ITSN1: variants seen among roughly 807,000 people sequenced by gnomAD.
ITSN1 encodes the protein intersectin 1.
Under a neutral mutation model 239.8 loss-of-function variants are expected in ITSN1, and 58 were observed. That is an observed-to-expected ratio of 0.24 (90% confidence interval 0.20 to 0.30). The LOEUF (loss-of-function observed/expected upper bound fraction) is 0.30. ITSN1 is among the 10% of genes least tolerant of loss of function. The pLI is 1.00. For missense variants in ITSN1, 1,558 were observed against 2,103.3 expected, an observed-to-expected ratio of 0.74 and a Z score of 5.07; for synonymous variants, 780 against 770.8, an observed-to-expected ratio of 1.01 and a Z score of -0.20.
chr21:33,814,013 A>G lies in ITSN1; in HGVS notation c.2668A>G (p.Arg890Gly). Reference protein sequence around the residue: ...TVPSAGQLRQRSAFTPATATG... With the variant: ...TVPSAGQLRQGSAFTPATATG... ...TCCAAGTGCCGGCCAGTTAAGGCAGAGGTCCGCCTTTACTCCAGCCACGGC... is the reference window on the plus strand; with the variant it reads ...TCCAAGTGCCGGCCAGTTAAGGCAGGGGTCCGCCTTTACTCCAGCCACGGC... Residue 890 changes from arginine to glycine, a missense_variant, in exon 22 of 40, where the codon AGG (arginine) becomes GGG (glycine). Arg to Gly is a moderately radical substitution (Grantham distance 125, BLOSUM62 -2). This residue lies in a region of ITSN1 where 982 missense variants were observed against 1,209.9 expected (regional missense o/e 0.81). Transcript: ENST00000381318. 6.2e-7 allele frequency: 1 copy of G among 1,614,198 alleles called. No individual in the cohort carries two copies. Among genetic ancestry groups the G allele is most frequent in the Non-Finnish European group, 8.5e-7 (1 of 1,180,028 alleles).
At chr21:33,668,686 C>T (rs2090075290) in intron 1 of ITSN1, among the ~76,000 whole-genome samples, 1 of 152,128 alleles carries the variant, frequency 6.6e-6, no homozygotes, top group Non-Finnish European at 1.5e-5. Flanking sequence ...AAGGCTCTTA[C>T]CTCAAGAGAT....
intron 1 of ITSN1, among the ~76,000 whole-genome samples, chr21:33,694,085 C>G (rs1027527145): frequency 2.2e-4 from 33 of 152,226 alleles, no homozygotes; most frequent in African/African-American, 7.7e-4. Context: ...ACGATCGTAG[C>G]TCACTGCAGC....
intron 29 of ITSN1, among the ~76,000 whole-genome samples, chr21:33,843,558 C>A (rs1025108738): frequency 6.6e-6 from 1 of 152,310 alleles, no homozygotes; most frequent in East Asian, 1.9e-4. Context: ...AAACATGGTG[C>A]TGTATATAAC....
At position 33,725,143 on chromosome 21, in the gene ITSN1, T is replaced by G. The variant is rs1342271299; in HGVS notation, c.185+2492T>G. Among the ~76,000 whole-genome samples the G allele has an allele frequency of 4.1e-3, 600 of 144,716 alleles. 9 individuals are homozygous for G. Among genetic ancestry groups the G allele is most frequent in the African/African-American group, 0.014 (565 of 39,410 alleles). 94.9% of individuals were successfully genotyped at this position (144,716 alleles called of 152,430 possible). A position where few individuals can be genotyped will look rare whatever the true frequency, so the allele number is the denominator to read the frequency against. ...AAATTTTTTTTTTTTGTTTTTTTTT[T>G]TTTTTTTTTGAGATGGAGTTTTGCC... is the stretch of plus-strand genomic sequence containing the variant. On this transcript the variant is annotated intron_variant, in intron 4 of 39. Coordinates refer to ENST00000381318, the MANE Select transcript of ITSN1 (RefSeq NM_003024.3).
At chr21:33,703,629 T>C (rs2092120671) in intron 1 of ITSN1, among the ~76,000 whole-genome samples, 1 of 152,266 alleles carries the variant, frequency 6.6e-6, no homozygotes. Context: ...GAAACAATTG[T>C]ACTTTCACTG....
chr21:33,819,168 A>G, intron 23 of ITSN1, 73 bp from the exon 24 acceptor site: 1 of 1,173,642 alleles, frequency 8.5e-7, no homozygotes, highest in South Asian at 1.3e-5. Context: ...CAGTTTTAAC[A>G]GAAAAATCAG....
In ITSN1 at chr21:33,888,200, A is replaced by T; in HGVS notation, c.5066A>T (p.Gln1689Leu). Residue 1689 changes from glutamine (Q) to leucine (L), a missense_variant, in exon 40 of 40, where the codon CAG becomes CTG. By Grantham distance (113) the Gln-to-Leu change is moderately radical. Transcript: ENST00000381318. ...EIRVADIKKDQGSKGPVTKCL... is the reference protein window; with the variant it reads ...EIRVADIKKDLGSKGPVTKCL... ...CGTGTGGCGGACATCAAGAAAGACC[A>T]GGGCTCCAAAGGTCCAGTTACGAAG... 1 of 1,614,134 alleles carries T rather than the reference A, an allele frequency of 6.2e-7. No homozygotes were observed. The highest frequency in any genetic ancestry group is 8.5e-7 in the Non-Finnish European group (1 of 1,180,000).
intron 5 of ITSN1, among the ~76,000 whole-genome samples, chr21:33,749,801 C>T (rs2067426544): frequency 6.6e-6 from 1 of 151,996 alleles, no homozygotes; most frequent in Non-Finnish European, 1.5e-5. Context: ...AATTGATTGC[C>T]TTAGTGTCCT....
At chr21:33,877,637 A>T in intron 34 of ITSN1, among the ~76,000 whole-genome samples, 1 of 151,982 alleles carries the variant, frequency 6.6e-6, no homozygotes, top group East Asian at 1.9e-4. Flanking sequence ...ATCTCCTAGT[A>T]GACCCCTCAC....
chr21:33,647,521 A>C (rs2088083053), intron 1 of ITSN1, among the ~76,000 whole-genome samples: 2 of 151,808 alleles, frequency 1.3e-5, no homozygotes, highest in Admixed American at 6.6e-5. Flanking sequence ...TTTCAGACGG[A>C]GTCTCAGTCT....
intron 1 of ITSN1, among the ~76,000 whole-genome samples, chr21:33,663,313 T>G (rs1427072456): frequency 6.6e-6 from 1 of 152,284 alleles, no homozygotes; most frequent in Non-Finnish European, 1.5e-5. Context: ...ATAAGATCTA[T>G]TTTTTAGATT....
chr21:33,811,085 C>G lies in ITSN1; in HGVS notation c.2430C>G (p.Pro810=). 1.9e-6 allele frequency: 3 copies of G among 1,614,166 alleles called. No homozygotes were observed. The highest frequency in any genetic ancestry group is 2.5e-6 in the Non-Finnish European group (3 of 1,180,008). The change falls in exon 21 of 40, where the codon CCC becomes CCG. Residue 810 remains proline, a synonymous_variant. Transcript: ENST00000381318. ...AGAAAATCCCAGAAAATGAGGTTCC[C>G]GCTCCAGTGAAACCAGTGACTGATT... The part of the protein sequence containing the change: ...YAEKIPENEV[P]APVKPVTDST...
intron 36 of ITSN1, among the ~76,000 whole-genome samples, chr21:33,884,290 G>T (rs1985430711): frequency 6.6e-6 from 1 of 152,084 alleles, no homozygotes; most frequent in South Asian, 2.1e-4. Context: ...GTTTCCCCTG[G>T]CTTCCCAGGT....
chr21:33,677,997 A>G (rs2090699442), intron 1 of ITSN1, among the ~76,000 whole-genome samples: 1 of 152,164 alleles, frequency 6.6e-6, no homozygotes, highest in African/African-American at 2.4e-5. Context: ...AGATCATATT[A>G]TTCCCTTGAT....
At chr21:33,826,325 G>GT (rs1211597804) in intron 25 of ITSN1, among the ~76,000 whole-genome samples, 2 of 152,140 alleles carry the variant, frequency 1.3e-5, no homozygotes, top group African/African-American at 4.8e-5. Context: ...GTCCCTGTTA[G>GT]TTTTTTAAAA....
chr21:33,757,017 C>G (rs545930561), intron 8 of ITSN1: 5 of 152,368 alleles, frequency 3.3e-5, no homozygotes, highest in Admixed American at 3.3e-4. Flanking sequence ...CCACCCACCT[C>G]AGCCTCCCAA....
At chr21:33,723,584 A>C (rs566558492) in intron 4 of ITSN1, among the ~76,000 whole-genome samples, 3 of 152,272 alleles carry the variant, frequency 2.0e-5, no homozygotes, top group African/African-American at 7.2e-5. Flanking sequence ...ACTGCACTCC[A>C]GCCTGGGCGA....
At chr21:33,715,463 T>TTA (rs2065079240) in intron 1 of ITSN1, among the ~76,000 whole-genome samples, 1 of 152,204 alleles carries the variant, frequency 6.6e-6, no homozygotes, top group African/African-American at 2.4e-5. Flanking sequence ...AATCCAGAGC[T>TTA]TACCATTTTT....
In ITSN1 at chr21:33,826,689, G is replaced by A. The variant is rs1761491889; in HGVS notation, c.3184-129G>A. 4 of 749,206 alleles carry A rather than the reference G, an allele frequency of 5.3e-6. No homozygotes were observed. In the Admixed American group the frequency reaches 8.0e-5, roughly 15 times the overall value. 46.4% of individuals were successfully genotyped at this position (749,206 alleles called of 1,614,324 possible). A position where few individuals can be genotyped will look rare whatever the true frequency, so the allele number is the denominator to read the frequency against. ...CTATATCCTTGTGTCAGGTGATACA[G>A]TGCTATGTTTTCCCAGAATGAAAAG... On this transcript the variant is annotated intron_variant, in intron 25 of 39. Coordinates refer to ENST00000381318, the MANE Select transcript of ITSN1 (RefSeq NM_003024.3).
Sources: allele counts gnomAD v4.1 joint callset (sites outside exome capture counted in the v4.1 genomes callset), GRCh38; gene constraint gnomAD v4.1.1; regional missense constraint gnomAD v4.1.1; transcripts MANE v1.5; gene names NCBI Gene and HGNC (gene_info 2026-07-23, HGNC 2026-07-21).